The following GFRA1 variants were observed in gnomAD, a reference collection of about 807,000 sequenced individuals.
GFRA1 encodes the protein GDNF family receptor alpha 1.
GFRA1 carries 16 observed loss-of-function variants against 51.6 expected under a neutral mutation model. That is an observed-to-expected ratio of 0.31 (90% CI 0.21 to 0.47). GFRA1 has a LOEUF of 0.47. Ranked by LOEUF, GFRA1 falls within the 20% of genes least tolerant of loss-of-function variation. The probability of loss-of-function intolerance (pLI) is 1.00; values close to 1 mark genes in which losing one functional copy is unlikely to be tolerated. For missense variants in GFRA1, 530 were observed against 594.3 expected, an observed-to-expected ratio of 0.89 and a Z score of 1.13; for synonymous variants, 270 against 241.3, an observed-to-expected ratio of 1.12 and a Z score of -1.10.
At chr10:116,136,003 T>C (rs202007798) in intron 5 of GFRA1, among the ~76,000 whole-genome samples, 2 of 142,186 alleles carry the variant, frequency 1.4e-5, no homozygotes, top group East Asian at 2.1e-4. Flanking sequence ...ATACTTTTTT[T>C]CCCCCCAATC....
chr10:116,104,140 G>A (rs780029883), intron 6 of GFRA1, among the ~76,000 whole-genome samples: 39 of 152,156 alleles, frequency 2.6e-4, no homozygotes, highest in Non-Finnish European at 3.5e-4. Flanking sequence ...ACTGGTAGTG[G>A]GATTATTAAA....
intron 4 of GFRA1, among the ~76,000 whole-genome samples, chr10:116,248,145 GATCT>G (rs895439337): frequency 5.3e-5 from 8 of 152,184 alleles, no homozygotes; most frequent in African/African-American, 1.9e-4. Context: ...AATCCGACCA[GATCT>G]GTGGCCCCGA....
chr10:116,075,765 G>A (rs1429858551), intron 9 of GFRA1, among the ~76,000 whole-genome samples: 1 of 151,732 alleles, frequency 6.6e-6, no homozygotes, highest in Non-Finnish European at 1.5e-5. Flanking sequence ...TTTTTTTTGA[G>A]ACGGAGTCTT....
At chr10:116,134,212 A>C (rs1401080796) in intron 5 of GFRA1, among the ~76,000 whole-genome samples, 1 of 152,234 alleles carries the variant, frequency 6.6e-6, no homozygotes, top group Non-Finnish European at 1.5e-5. Flanking sequence ...ATTTCTGGGT[A>C]TCTTTCTGCC....
At chr10:116,107,552 T>G (rs145307711) in intron 6 of GFRA1, among the ~76,000 whole-genome samples, 64 of 150,496 alleles carry the variant, frequency 4.3e-4, no homozygotes, top group African/African-American at 1.5e-3. Flanking sequence ...TATAGGCCAA[T>G]GAAATCATAC....
At chr10:116,261,249 C>T (rs1392561611) in intron 4 of GFRA1, among the ~76,000 whole-genome samples, 4 of 152,196 alleles carry the variant, frequency 2.6e-5, no homozygotes, top group African/African-American at 9.6e-5. Context: ...CCTAATTTTA[C>T]TTGTCATCAC....
At chr10:116,245,906 G>A (rs1967827707) in intron 4 of GFRA1, among the ~76,000 whole-genome samples, 1 of 152,206 alleles carries the variant, frequency 6.6e-6, no homozygotes, top group African/African-American at 2.4e-5. Flanking sequence ...AAGACCAGTG[G>A]CTGCCAGAGG....
intron 6 of GFRA1, among the ~76,000 whole-genome samples, chr10:116,114,765 C>T (rs757080118): frequency 2.0e-5 from 3 of 152,054 alleles, no homozygotes; most frequent in Non-Finnish European, 4.4e-5. Context: ...TAAGCTTTGT[C>T]CTCCCTGATA....
chr10:116,251,140 G>A (rs1299716514), intron 4 of GFRA1, among the ~76,000 whole-genome samples: 6 of 152,198 alleles, frequency 3.9e-5, no homozygotes, highest in Non-Finnish European at 7.3e-5. Context: ...ATCAAAACAC[G>A]TGCATTTTAA....
chr10:116,064,953 TGAG>T lies in GFRA1; in HGVS notation c.1252-412_1252-410del, dbSNP rs532155247. Among the ~76,000 whole-genome samples the T allele has an allele frequency of 3.1e-3, 468 of 152,200 alleles. 1 individual carries two copies. Among genetic ancestry groups the T allele is most frequent in the Non-Finnish European group, 5.5e-3 (376 of 68,006 alleles). ...CCAGTTCAATCCCAGATTTTATAGA[TGAG>T]GAGTTGGAGAGAGCAAGAGCTTGCC... is the stretch of plus-strand genomic sequence containing the variant. On this transcript the variant is annotated intron_variant, in intron 10 of 10. Transcript: ENST00000355422.
chr10:116,265,572 C>A (rs1233335759), intron 4 of GFRA1, among the ~76,000 whole-genome samples: 1 of 152,214 alleles, frequency 6.6e-6, no homozygotes, highest in Non-Finnish European at 1.5e-5. Context: ...CCTTTCAAAT[C>A]CCTGTTTACT....
At chr10:116,196,403 C>T (rs947911943) in intron 5 of GFRA1, among the ~76,000 whole-genome samples, 4 of 149,446 alleles carry the variant, frequency 2.7e-5, no homozygotes, top group Admixed American at 2.0e-4. Context: ...GCAGGAGAAT[C>T]GCTTGAACCT....
At chr10:116,083,817 G>A (rs553495341) in intron 9 of GFRA1, among the ~76,000 whole-genome samples, 1 of 152,314 alleles carries the variant, frequency 6.6e-6, no homozygotes, top group South Asian at 2.1e-4. Flanking sequence ...GAGGGTGGAA[G>A]GGACCATCTA....
intron 4 of GFRA1, among the ~76,000 whole-genome samples, chr10:116,264,763 C>G (rs761066724): frequency 2.0e-5 from 3 of 152,160 alleles, no homozygotes; most frequent in Non-Finnish European, 4.4e-5. Flanking sequence ...TGTGGGGCTT[C>G]AAAATGGAGA....
intron 4 of GFRA1, among the ~76,000 whole-genome samples, chr10:116,228,629 A>G (rs1031725848): frequency 2.0e-5 from 3 of 152,146 alleles, no homozygotes; most frequent in Non-Finnish European, 4.4e-5. Flanking sequence ...TGGTGAAAAA[A>G]GGGTCAGAGA....
chr10:116,120,475 C>T (rs537195448), intron 6 of GFRA1, among the ~76,000 whole-genome samples: 148 of 152,256 alleles, frequency 9.7e-4, no homozygotes, highest in African/African-American at 3.5e-3. Flanking sequence ...GTCCCAGCTA[C>T]ATGGGAGGCT....
intron 5 of GFRA1, among the ~76,000 whole-genome samples, chr10:116,144,947 G>A (rs917352833): frequency 3.6e-4 from 54 of 151,700 alleles, no homozygotes; most frequent in African/African-American, 1.2e-3. Flanking sequence ...TCAGGAGTTC[G>A]AGACCAACCT....
intron 6 of GFRA1, among the ~76,000 whole-genome samples, chr10:116,099,737 T>C (rs562860862): frequency 2.0e-5 from 3 of 152,300 alleles, no homozygotes; most frequent in South Asian, 4.1e-4. Context: ...CTTGAACTTA[T>C]ATAACCCACA....
intron 4 of GFRA1, among the ~76,000 whole-genome samples, chr10:116,224,613 T>C (rs1966151941): frequency 6.6e-6 from 1 of 152,212 alleles, no homozygotes; most frequent in Admixed American, 6.5e-5. Context: ...ATTGTGTGGT[T>C]CTATTTATAT....
Sources: allele counts gnomAD v4.1 joint callset (sites outside exome capture counted in the v4.1 genomes callset), GRCh38; gene constraint gnomAD v4.1.1; transcripts MANE v1.5; gene names NCBI Gene and HGNC (gene_info 2026-07-23, HGNC 2026-07-21).